Variants in BANK1 observed in about 807,000 individuals in gnomAD.
The protein encoded by BANK1 is B cell scaffold protein with ankyrin repeats 1.
BANK1 carries 95 observed loss-of-function variants against 94.5 expected under a neutral mutation model. That is an observed-to-expected ratio of 1.00 (90% confidence interval 0.85 to 1.19). The LOEUF (loss-of-function observed/expected upper bound fraction) is 1.19. Ranked by LOEUF, BANK1 falls within the 50% of genes most tolerant of loss-of-function variation. The pLI is 0.00. For synonymous variants in BANK1, 334 were observed against 308.4 expected (o/e 1.08, Z -0.87); for missense variants, 987 against 932.2 (o/e 1.06, Z -0.77).
intron 7 of BANK1, among the ~76,000 whole-genome samples, chr4:101,936,428 T>C (rs1409324890): frequency 3.3e-5 from 5 of 150,324 alleles, no homozygotes; most frequent in African/African-American, 1.2e-4. Context: ...TACATGCATG[T>C]ATAAGATGTA....
chr4:101,947,099 C>G (rs1162273403), intron 7 of BANK1, among the ~76,000 whole-genome samples: 2 of 151,448 alleles, frequency 1.3e-5, no homozygotes. Context: ...GAGGACTAAG[C>G]ATTTCTGCAA....
rs140661190 is a variant in BANK1 at position 101,953,561 on chromosome 4, G to C, written c.1206+35372G>C. 4.6e-3 allele frequency among the ~76,000 whole-genome samples: 699 copies of C among 151,944 alleles called. 7 individuals are homozygous for C. Among genetic ancestry groups the C allele is most frequent in the African/African-American group, 0.016 (643 of 41,476 alleles). ...TTTAGTAAAAAAAAAAAAATCAAGT[G>C]TTTCAAAGTAGGGTGCACAAAAAAT... On this transcript the variant is annotated intron_variant, in intron 7 of 16. Coordinates refer to ENST00000322953, the MANE Select transcript of BANK1 (RefSeq NM_017935.5).
At chr4:101,915,611 G>A (rs933120476) in intron 6 of BANK1, among the ~76,000 whole-genome samples, 11 of 151,922 alleles carry the variant, frequency 7.2e-5, no homozygotes, top group Non-Finnish European at 1.6e-4. Flanking sequence ...TTAGTAACAA[G>A]AATTCAATTA....
chr4:101,913,734 C>T (rs1365804380), intron 6 of BANK1, among the ~76,000 whole-genome samples: 3 of 152,150 alleles, frequency 2.0e-5, no homozygotes, highest in African/African-American at 7.2e-5. Context: ...AAACCCCCAC[C>T]TCTCCAATTC....
At chr4:101,994,875 A>C (rs1301566450) in intron 7 of BANK1, among the ~76,000 whole-genome samples, 1 of 152,136 alleles carries the variant, frequency 6.6e-6, no homozygotes, top group East Asian at 1.9e-4. Context: ...GTTTATAACA[A>C]CAACAAAAAA....
chr4:101,865,833 C>T (rs908758748), intron 4 of BANK1, among the ~76,000 whole-genome samples: 8 of 152,086 alleles, frequency 5.3e-5, no homozygotes, highest in African/African-American at 1.9e-4. Flanking sequence ...GATTCAGACT[C>T]TGTCTCGGTA....
intron 3 of BANK1, among the ~76,000 whole-genome samples, chr4:101,856,979 T>G (rs1388328892): frequency 6.6e-6 from 1 of 152,126 alleles, no homozygotes; most frequent in Non-Finnish European, 1.5e-5. Context: ...TTTAGTATAG[T>G]CTGAATCCAT....
At chr4:101,978,687 C>T (rs534102743) in intron 7 of BANK1, among the ~76,000 whole-genome samples, 4 of 151,512 alleles carry the variant, frequency 2.6e-5, no homozygotes, top group Admixed American at 2.6e-4. Flanking sequence ...AGTTTCTTTC[C>T]ATTGAAAAAA....
chr4:101,831,735 A>G lies in BANK1; in HGVS notation c.469+1529A>G, dbSNP rs963021439. On this transcript the variant is annotated intron_variant, in intron 2 of 16. Coordinates refer to ENST00000322953, the MANE Select transcript of BANK1 (RefSeq NM_017935.5). ...AGTGATCAGCCCACCTTGGCCTCCT[A>G]AAGTGTTGGGATTACAGGTGTGATT... 3.3e-5 allele frequency among the ~76,000 whole-genome samples: 5 copies of G among 152,200 alleles called. No homozygotes were observed. In the South Asian group the frequency reaches 1.0e-3, roughly 32 times the overall value.
intron 10 of BANK1, 54 bp from the exon 11 acceptor site, chr4:102,043,785 T>G: frequency 8.3e-7 from 1 of 1,204,782 alleles, no homozygotes; most frequent in Non-Finnish European, 1.2e-6. Context: ...TTCTACAGTA[T>G]GGATTTTTTG....
chr4:101,895,359 C>A lies in BANK1; in HGVS notation c.958C>A (p.Pro320Thr), dbSNP rs1230786457. Residue 320 changes from proline to threonine, a missense_variant, in exon 6 of 17, where the codon CCA becomes ACA. Pro to Thr is a conservative substitution (Grantham distance 38). Coordinates refer to ENST00000322953, the MANE Select transcript of BANK1 (RefSeq NM_017935.5). ...TACATCCATATTCAAACATGAGATA[C>A]CATATTATGAGTTCCAGTCTCTTCA... ...VLTSIFKHEIPYYEFQSLQTE... is the reference protein window; with the variant it reads ...VLTSIFKHEITYYEFQSLQTE... The A allele has an allele frequency of 2.5e-6, 4 of 1,594,680 alleles. No homozygotes were observed. Among genetic ancestry groups the A allele is most frequent in the Non-Finnish European group, 3.4e-6 (4 of 1,170,572 alleles).
chr4:102,024,393 A>T (rs1727010002), intron 8 of BANK1, among the ~76,000 whole-genome samples: 2 of 152,030 alleles, frequency 1.3e-5, no homozygotes, highest in Admixed American at 6.5e-5. Flanking sequence ...TTATAAAGAA[A>T]ATTTAATAAA....
chr4:101,874,699 A>G (rs1218614351), intron 5 of BANK1, among the ~76,000 whole-genome samples: 1 of 152,090 alleles, frequency 6.6e-6, no homozygotes, highest in African/African-American at 2.4e-5. Context: ...CATCTTTTCC[A>G]TGTCTTCTTA....
At chr4:101,838,729 C>G (rs1726923334) in intron 2 of BANK1, among the ~76,000 whole-genome samples, 1 of 152,156 alleles carries the variant, frequency 6.6e-6, no homozygotes, top group South Asian at 2.1e-4. Flanking sequence ...GATGATTGAG[C>G]CATTGGAGGG....
chr4:101,942,672 T>C (rs1357979314), intron 7 of BANK1, among the ~76,000 whole-genome samples: 1 of 151,856 alleles, frequency 6.6e-6, no homozygotes, highest in African/African-American at 2.4e-5. Flanking sequence ...TTAGGGTCAG[T>C]GTCAATGTAA....
rs70964197 is a variant in BANK1 at position 101,839,937 on chromosome 4, ATTTTTTTTTTTTTTTTTTTTTTTTTTTT to A, written c.469+9753_469+9780del. On this transcript the variant is annotated intron_variant, in intron 2 of 16. Coordinates refer to ENST00000322953, the MANE Select transcript of BANK1 (RefSeq NM_017935.5). ...GCTACTATATAATTTCAAATATTTAATTTTTTTTTTTTTTTTTTTTTTTTTTTTTTTTTTTTTTTTTTTTTTTTTGAGA... is the reference window on the plus strand; with the variant it reads ...GCTACTATATAATTTCAAATATTTAATTTTTTTTTTTTTTTTTTTTTGAGA... Among the ~76,000 whole-genome samples the A allele has an allele frequency of 2.1e-3, 113 of 53,072 alleles. No individual in the cohort carries two copies. The South Asian group carries it at 0.024, about 11-fold the overall frequency. 34.8% of individuals were successfully genotyped at this position (53,072 alleles called of 152,430 possible). A position where few individuals can be genotyped will look rare whatever the true frequency, so the allele number is the denominator to read the frequency against.
In BANK1 at chr4:101,998,090, G is replaced by A. The variant is rs145748541; in HGVS notation, c.1207-23424G>A. On this transcript the variant is annotated intron_variant, in intron 7 of 16. Transcript: ENST00000322953. ...TTCCCCTGTAAACACTGCTTTACTT[G>A]TTTCCCAGACATTTTGGTACATTGT... 7.9e-5 allele frequency among the ~76,000 whole-genome samples: 12 copies of A among 152,246 alleles called. No homozygotes were observed. The East Asian group carries it at 2.1e-3, about 27-fold the overall frequency.
chr4:101,917,879 A>C, intron 6 of BANK1, 114 bp from the exon 7 acceptor site: 1 of 623,302 alleles, frequency 1.6e-6, no homozygotes, highest in Non-Finnish European at 2.6e-6. Context: ...TTCTTACACA[A>C]AAAGTCTGCT....
chr4:102,060,462 C>A, intron 12 of BANK1, 73 bp downstream of exon 12: 7 of 1,477,262 alleles, frequency 4.7e-6, no homozygotes, highest in Non-Finnish European at 6.4e-6. Context: ...GTTTAATTTT[C>A]ATGAGGAATA....
Sources: allele counts gnomAD v4.1 joint callset (sites outside exome capture counted in the v4.1 genomes callset), GRCh38; gene constraint gnomAD v4.1.1; transcripts MANE v1.5; gene names NCBI Gene and HGNC (gene_info 2026-07-23, HGNC 2026-07-21).